The following CACNA1H variants were observed in gnomAD, a reference collection of about 807,000 sequenced individuals.
The protein encoded by CACNA1H is calcium voltage-gated channel subunit alpha1 H, also known as voltage-dependent T-type calcium channel subunit alpha-1H.
In CACNA1H, 149 loss-of-function variants were observed where a neutral mutation model predicts 192.5. That is an observed-to-expected ratio of 0.77 (90% CI 0.68 to 0.89). The LOEUF (loss-of-function observed/expected upper bound fraction) is 0.89, where lower values mean the gene tolerates loss of function less well. Ranked by LOEUF, CACNA1H falls within the 40% of genes least tolerant of loss-of-function variation. The pLI is 0.00. For synonymous variants in CACNA1H, 2,202 were observed against 1,475.2 expected (o/e 1.49, Z -11.29); for missense variants, 4,257 against 3,423.5 (o/e 1.24, Z -6.08).
chr16:1,210,564 C>G lies in CACNA1H; in HGVS notation c.3970-19C>G. On this transcript the variant is annotated intron_variant, in intron 19 of 34. Coordinates refer to ENST00000348261, the MANE Select transcript of CACNA1H (RefSeq NM_021098.3). ...GAGGGGTGGAGTGGACACAGCCCCC[C>G]ACCGTCCTCTCCCGGCAGGAGCGGG... is the stretch of plus-strand genomic sequence containing the variant. 1 of 1,610,034 alleles carries G rather than the reference C, an allele frequency of 6.2e-7. No individual in the cohort carries two copies. Among genetic ancestry groups the G allele is most frequent in the Non-Finnish European group, 8.5e-7 (1 of 1,179,782 alleles).
At position 1,204,338 on chromosome 16, in the gene CACNA1H, C is replaced by T. The variant is rs752099217; in HGVS notation, c.2331C>T (p.Arg777=). The T allele has an allele frequency of 2.6e-5, 41 of 1,588,538 alleles. No individual in the cohort carries two copies. Among genetic ancestry groups the T allele is most frequent in the East Asian group, 1.3e-4 (6 of 44,500 alleles). The part of the protein sequence containing the change: ...AAPGEPGWMG[R]LWVTFSGKLR... ...CGGGCGAGCCAGGCTGGATGGGCCG[C>T]CTCTGGGTTACCTTCAGCGGCAAGC... The change falls in exon 10 of 35, where the codon CGC becomes CGT. Residue 777 remains arginine, a synonymous_variant. Coordinates refer to ENST00000348261, the MANE Select transcript of CACNA1H (RefSeq NM_021098.3).
intron 6 of CACNA1H, 66 bp from the exon 7 acceptor site, chr16:1,200,190 T>C (rs1376800148): frequency 7.6e-7 from 1 of 1,314,802 alleles, no homozygotes; most frequent in African/African-American, 1.5e-5. Context: ...ATCACAATCG[T>C]GCCCCCGACT....
At chr16:1,203,945 G>C in intron 9 of CACNA1H, 65 bp from the exon 10 acceptor site, 2 of 1,263,232 alleles carry the variant, frequency 1.6e-6, no homozygotes, top group Non-Finnish European at 2.1e-6. Flanking sequence ...TGTGTGTGAG[G>C]GTTCCCGGGC....
chr16:1,188,143 C>T (rs775005926), intron 2 of CACNA1H, among the ~76,000 whole-genome samples: 18 of 152,208 alleles, frequency 1.2e-4, no homozygotes, highest in Non-Finnish European at 1.9e-4. Flanking sequence ...GCCCCATGGC[C>T]CTGGCCTGAG....
chr16:1,210,977 G>T lies in CACNA1H; in HGVS notation c.4223+6G>T, dbSNP rs1969373645. ...CGGACCCTGCGGCCTCTGAGGTGGG[G>T]GGCTCCCCGTGGGCTCCCGGGGCAA... is the stretch of plus-strand genomic sequence containing the variant. On this transcript the variant is annotated splice_donor_region_variant and intron_variant, in intron 21 of 34. Transcript: ENST00000348261. 4.4e-6 allele frequency: 7 copies of T among 1,592,310 alleles called. No individual in the cohort carries two copies. Among genetic ancestry groups the T allele is most frequent in the African/African-American group, 4.0e-5 (3 of 74,866 alleles).
In CACNA1H at chr16:1,220,896, C is replaced by T. The variant is rs987712309; in HGVS notation, c.6964C>T (p.Arg2322Trp). Residue 2322 changes from arginine to tryptophan, a missense_variant, in exon 35 of 35, where the codon CGG becomes TGG. Physicochemically the swap from Arg to Trp is moderately radical, Grantham distance 101 (BLOSUM62 -3). Coordinates refer to ENST00000348261, the MANE Select transcript of CACNA1H (RefSeq NM_021098.3). Reference sequence around the variant, plus strand: ...CGTCGGTGACCCCCCAGAGAAGAGGCGGGGGCTGTACCTCACAGTCCCCCA... The same window carrying T: ...CGTCGGTGACCCCCCAGAGAAGAGGTGGGGGCTGTACCTCACAGTCCCCCA... ...MPVGDPPEKR[R>W]GLYLTVPQCP... is the part of the protein sequence containing the mutation. 27 of 1,611,626 alleles carry T rather than the reference C, an allele frequency of 1.7e-5. No homozygotes were observed. Among genetic ancestry groups the T allele is most frequent in the East Asian group, 4.5e-5 (2 of 44,874 alleles).
chr16:1,200,173 G>A (rs1472798592), intron 6 of CACNA1H, 83 bp from the exon 7 acceptor site: 42 of 1,159,778 alleles, frequency 3.6e-5, no homozygotes, highest in Middle Eastern at 2.0e-4. Flanking sequence ...CCTTGATCAC[G>A]TCCCTGATCA....
intron 2 of CACNA1H, among the ~76,000 whole-genome samples, chr16:1,165,384 GCA>G (rs1256347308): frequency 6.6e-6 from 1 of 152,212 alleles, no homozygotes; most frequent in African/African-American, 2.4e-5. Flanking sequence ...TTTCGTGACA[GCA>G]CAGAGTTTTT....
intron 2 of CACNA1H, among the ~76,000 whole-genome samples, chr16:1,184,203 A>G (rs946424625): frequency 6.6e-6 from 1 of 152,218 alleles, no homozygotes. Flanking sequence ...TGCCGCATGC[A>G]TGGGGCCCCT....
chr16:1,198,033 C>G (rs1045200790), intron 5 of CACNA1H, among the ~76,000 whole-genome samples: 1 of 152,170 alleles, frequency 6.6e-6, no homozygotes. Context: ...TGAGATGGGG[C>G]TCTGTTCTGG....
At chr16:1,159,297 C>T (rs935440736) in intron 2 of CACNA1H, among the ~76,000 whole-genome samples, 3 of 152,264 alleles carry the variant, frequency 2.0e-5, no homozygotes, top group East Asian at 1.9e-4. Flanking sequence ...TCCATGAGCC[C>T]GGTGGGCACA....
At chr16:1,155,353 G>C (rs1298102191) in intron 2 of CACNA1H, among the ~76,000 whole-genome samples, 1 of 152,218 alleles carries the variant, frequency 6.6e-6, no homozygotes, top group Non-Finnish European at 1.5e-5. Flanking sequence ...GGGAGCCGAG[G>C]TGCAGGCCCG....
chr16:1,210,357 C>G lies in CACNA1H; in HGVS notation c.3846-13C>G. The G allele has an allele frequency of 7.0e-7, 1 of 1,433,698 alleles. No homozygotes were observed. The highest frequency in any genetic ancestry group is 9.5e-7 in the Non-Finnish European group (1 of 1,055,754). The allele number at this position is 1,433,698 out of a possible 1,614,324, so 88.8% of individuals were successfully genotyped here. On this transcript the variant is annotated splice_polypyrimidine_tract_variant and intron_variant, in intron 18 of 34. Transcript: ENST00000348261. ...CGCCCCGCCCCACCTCTCACCCGCCCCCGCCCACCCAGGTTCCGCGTCTCC... is the reference window on the plus strand; with the variant it reads ...CGCCCCGCCCCACCTCTCACCCGCCGCCGCCCACCCAGGTTCCGCGTCTCC...
rs1443828434 is a variant in CACNA1H at position 1,180,067 on chromosome 16, G to A, written c.300-14905G>A. Among the ~76,000 whole-genome samples the A allele has an allele frequency of 2.6e-5, 4 of 152,188 alleles. No individual in the cohort carries two copies. The highest frequency in any genetic ancestry group is 2.4e-5 in the African/African-American group (1 of 41,442). On this transcript the variant is annotated intron_variant, in intron 2 of 34. Transcript: ENST00000348261. The surrounding 1 kb of genome is among the most constrained non-coding windows in gnomAD (Gnocchi z 4.4). Reference sequence around the variant, plus strand: ...GTTTTTTAATATACATCTGGTTGCCGGGTGATACTGAGGGGGCCGGGCTCT... The same window carrying A: ...GTTTTTTAATATACATCTGGTTGCCAGGTGATACTGAGGGGGCCGGGCTCT...
At chr16:1,192,931 C>T (rs1966744340) in intron 2 of CACNA1H, among the ~76,000 whole-genome samples, 2 of 152,036 alleles carry the variant, frequency 1.3e-5, no homozygotes, top group South Asian at 2.1e-4. Flanking sequence ...GACAGAAAGG[C>T]GGTCCGAGGC....
At chr16:1,179,556 A>ACG (rs1455088356) in intron 2 of CACNA1H, among the ~76,000 whole-genome samples, 1 of 150,288 alleles carries the variant, frequency 6.7e-6, no homozygotes, top group African/African-American at 2.5e-5. Context: ...AGCCTCCTGA[A>ACG]TAGCTGGGAT....
intron 14 of CACNA1H, 65 bp downstream of exon 14, chr16:1,207,495 G>A (rs944134452): frequency 7.2e-5 from 110 of 1,535,802 alleles, no homozygotes; most frequent in Middle Eastern, 3.5e-4. Context: ...GCTTCAGGTC[G>A]AGGGGAGGGG....
In CACNA1H at chr16:1,211,480, G is replaced by A; in HGVS notation, c.4351-1G>A. ...CCGCGGTGACCGTCGCACCCCGTCA[G>A]CTCTTCAAAGGGAAGTTCTACTACT... On this transcript the variant is annotated splice_acceptor_variant, in intron 22 of 34. Transcript: ENST00000348261. LOFTEE classifies it high-confidence loss of function. 1.9e-6 allele frequency: 3 copies of A among 1,612,430 alleles called. No individual in the cohort carries two copies. The highest frequency in any genetic ancestry group is 2.5e-6 in the Non-Finnish European group (3 of 1,179,700).
rs117539884 is a variant in CACNA1H, at chr16:1,182,731, C to T, written c.300-12241C>T. Among the ~76,000 whole-genome samples, 123 of 152,222 alleles carry T rather than the reference C, an allele frequency of 8.1e-4. 1 individual carries two copies. In the East Asian group the frequency reaches 0.021, roughly 26 times the overall value. ...GGCTGGGAGAGGCCAGGGTTGAGGACCAGGACAGAGGCCAGGAGAGCTCGC... is the reference window on the plus strand; with the variant it reads ...GGCTGGGAGAGGCCAGGGTTGAGGATCAGGACAGAGGCCAGGAGAGCTCGC... On this transcript the variant is annotated intron_variant, in intron 2 of 34. Coordinates refer to ENST00000348261, the MANE Select transcript of CACNA1H (RefSeq NM_021098.3).
Sources: allele counts gnomAD v4.1 joint callset (sites outside exome capture counted in the v4.1 genomes callset), GRCh38; gene constraint gnomAD v4.1.1; non-coding constraint Gnocchi (gnomAD v3.1); transcripts MANE v1.5; gene names NCBI Gene and HGNC (gene_info 2026-07-23, HGNC 2026-07-21).